Variants in GPR157 observed in about 807,000 individuals in gnomAD.
GPR157 encodes G protein-coupled receptor 157.
A neutral mutation model predicts 23.5 loss-of-function variants in GPR157; 16 were observed. The observed-to-expected ratio is 0.68, with a 90% CI of 0.46 to 1.04. GPR157 has a LOEUF of 1.04. Ranked by LOEUF, GPR157 falls within the 50% of genes least tolerant of loss-of-function variation. The pLI is 0.00. For missense variants in GPR157, 440 were observed against 460.7 expected (o/e 0.96, Z 0.41); for synonymous variants, 200 against 221.5 (o/e 0.90, Z 0.86).
intron 1 of GPR157, among the ~76,000 whole-genome samples, chr1:9,123,318 A>AAATT (rs1638859012): frequency 4.2e-5 from 1 of 23,826 alleles, no homozygotes; most frequent in Non-Finnish European, 8.5e-5. Flanking sequence ...AATATATATT[A>AAATT]AAATATATAT....
At chr1:9,111,247 G>C (rs61785824) in intron 2 of GPR157, 29 bp downstream of exon 2, 1 of 1,601,760 alleles carries the variant, frequency 6.2e-7, no homozygotes, top group African/African-American at 1.3e-5. Context: ...GCCATGCAGA[G>C]GGCCCTGAGC....
At position 9,101,609 on chromosome 1, in the gene GPR157, T is replaced by C. The variant is rs6661122; in HGVS notation, c.*2810A>G. ...GCGGAGGAAGCTGACTAGAGATACC[T>C]GATGTATAACTTTTTGGAGGTTTTT... is the stretch of plus-strand genomic sequence containing the variant. On this transcript the variant is annotated 3_prime_UTR_variant, in exon 4 of 4. Transcript: ENST00000377411. 0.52 allele frequency: 78,405 copies of C among 152,076 alleles called. 20,561 individuals carry two copies. Among genetic ancestry groups the C allele is most frequent in the Admixed American group, 0.56 (8,583 of 15,278 alleles). 9.4% of individuals were successfully genotyped at this position (152,076 alleles called of 1,614,324 possible). A position where few individuals can be genotyped will look rare whatever the true frequency, so the allele number is the denominator to read the frequency against.
chr1:9,108,658 C>G (rs1442948204), intron 2 of GPR157, among the ~76,000 whole-genome samples: 4 of 151,970 alleles, frequency 2.6e-5, no homozygotes, highest in Non-Finnish European at 4.4e-5. Context: ...TTCATTTTTT[C>G]TTTTTTTTGA....
intron 1 of GPR157, among the ~76,000 whole-genome samples, chr1:9,123,473 T>C (rs1638874716): frequency 8.3e-6 from 1 of 120,618 alleles, no homozygotes; most frequent in South Asian, 2.4e-4. Flanking sequence ...TTAATTTAAA[T>C]ATATATTTTA....
At position 9,102,308 on chromosome 1, in the gene GPR157, T is replaced by C. The variant is rs1642575988; in HGVS notation, c.*2111A>G. 1 of 150,004 alleles carries C rather than the reference T, an allele frequency of 6.7e-6. No homozygotes were observed. The highest frequency in any genetic ancestry group is 2.5e-5 in the African/African-American group (1 of 40,386). 9.3% of individuals were successfully genotyped at this position (150,004 alleles called of 1,614,324 possible). ...TGCCTGTAATCCCAGCAGCTTGGGA[T>C]TGGGAAGCAGGAGAATCGCTTGAAC... On this transcript the variant is annotated 3_prime_UTR_variant, in exon 4 of 4. Transcript: ENST00000377411.
chr1:9,122,991 T>C (rs1031629820), intron 1 of GPR157, among the ~76,000 whole-genome samples: 1 of 151,170 alleles, frequency 6.6e-6, no homozygotes, highest in Non-Finnish European at 1.5e-5. Context: ...ACCCCATCTC[T>C]ACTAAAAATA....
intron 1 of GPR157, among the ~76,000 whole-genome samples, chr1:9,121,025 G>T (rs537211031): frequency 6.6e-6 from 1 of 152,154 alleles, no homozygotes; most frequent in African/African-American, 2.4e-5. Flanking sequence ...GTGCCACGGT[G>T]AGCTCGTTTC....
intron 1 of GPR157, among the ~76,000 whole-genome samples, chr1:9,116,347 TA>T (rs1385580963): frequency 0.033 from 956 of 29,072 alleles, 49 homozygotes; most frequent in East Asian, 0.11. Flanking sequence ...AATTTATATA[TA>T]ATTATATATA....
intron 1 of GPR157, among the ~76,000 whole-genome samples, chr1:9,117,837 A>G (rs1638717002): frequency 6.6e-6 from 1 of 152,158 alleles, no homozygotes. Context: ...GACATGTAAC[A>G]CCTAACAGTT....
At chr1:9,115,970 C>T (rs533571364) in intron 1 of GPR157, among the ~76,000 whole-genome samples, 9 of 147,686 alleles carry the variant, frequency 6.1e-5, no homozygotes, top group East Asian at 4.0e-4. Context: ...AAAACACTTA[C>T]TTTACAGGAA....
At chr1:9,116,150 T>TA (rs1553175007) in intron 1 of GPR157, among the ~76,000 whole-genome samples, 3 of 32,352 alleles carry the variant, frequency 9.3e-5, no homozygotes, top group African/African-American at 4.1e-4. Context: ...ATATATTATA[T>TA]TATATATATA....
At chr1:9,122,657 T>C (rs1638825544) in intron 1 of GPR157, among the ~76,000 whole-genome samples, 1 of 152,048 alleles carries the variant, frequency 6.6e-6, no homozygotes. Context: ...AACCCACTTA[T>C]GAGGAAGCAC....
intron 1 of GPR157, among the ~76,000 whole-genome samples, chr1:9,113,664 C>T (rs1371054479): frequency 1.3e-5 from 2 of 152,184 alleles, no homozygotes; most frequent in Non-Finnish European, 2.9e-5. Flanking sequence ...CCACAAAAGG[C>T]CAGGCGCGGT....
chr1:9,112,429 G>C (rs756739033), intron 1 of GPR157, among the ~76,000 whole-genome samples: 4 of 152,172 alleles, frequency 2.6e-5, no homozygotes, highest in African/African-American at 9.7e-5. Flanking sequence ...GCTCAGGTAG[G>C]GGCCCCTCTA....
At position 9,128,769 on chromosome 1, in the gene GPR157, T is replaced by C. The variant is rs770724982; in HGVS notation, c.259A>G (p.Thr87Ala). 2 of 1,612,106 alleles carry C rather than the reference T, an allele frequency of 1.2e-6. No individual in the cohort carries two copies. Among genetic ancestry groups the C allele is most frequent in the African/African-American group, 1.3e-5 (1 of 74,892 alleles). Residue 87 changes from threonine to alanine, a missense_variant, in exon 1 of 4, where the codon ACC becomes GCC. Thr to Ala is a moderately conservative substitution (Grantham distance 58). Coordinates refer to ENST00000377411, the MANE Select transcript of GPR157 (RefSeq NM_024980.5). The surrounding 1 kb of genome is among the most constrained non-coding windows in gnomAD (Gnocchi z 6.3). ...AAGAAGGAGCTGGTGTTGGCGAAGG[T>C]GGACAGCGCGCCCTGCAGCACGCAG... ...WDCVLQGALS[T>A]FANTSSFFWT... is the part of the protein sequence containing the mutation.
rs572873464 is a variant in GPR157 at position 9,124,435 on chromosome 1, A to G, written c.383+4210T>C. ...GCAGAGAGCCTATGAATGGACGTGC[A>G]GTCAGGGAGGTTTCACATCACCAAG... On this transcript the variant is annotated intron_variant, in intron 1 of 3. Transcript: ENST00000377411. Among the ~76,000 whole-genome samples the G allele has an allele frequency of 8.5e-5, 13 of 152,364 alleles. No individual in the cohort carries two copies. In the South Asian group the frequency reaches 2.5e-3, roughly 29 times the overall value.
In GPR157 at chr1:9,104,521, A is replaced by G; in HGVS notation, c.906T>C (p.Pro302=). The part of the protein sequence containing the change: ...SLCCCCCSSQ[P]PTKSPAGTPK... ...GAGTGCCAGCCGGGCTCTTGGTGGG[A>G]GGCTGAGAAGAGCAGCAGCAGCAAC... The change falls in exon 4 of 4, where the codon CCT becomes CCC. Residue 302 remains proline, a synonymous_variant. Transcript: ENST00000377411. 6.2e-7 allele frequency: 1 copy of G among 1,613,602 alleles called. No homozygotes were observed. Among genetic ancestry groups the G allele is most frequent in the Non-Finnish European group, 8.5e-7 (1 of 1,179,904 alleles).
intron 1 of GPR157, among the ~76,000 whole-genome samples, chr1:9,126,102 C>T (rs954642070): frequency 2.0e-5 from 3 of 151,870 alleles, no homozygotes; most frequent in African/African-American, 7.3e-5. Flanking sequence ...GTAGTTGGGA[C>T]ACGCACCACC....
chr1:9,111,067 G>T, intron 2 of GPR157: 2 of 617,702 alleles, frequency 3.2e-6, no homozygotes, highest in Non-Finnish European at 5.9e-6. Context: ...GGCTCCTAAC[G>T]GGGCAGTGGG....
Sources: allele counts gnomAD v4.1 joint callset (sites outside exome capture counted in the v4.1 genomes callset), GRCh38; gene constraint gnomAD v4.1.1; non-coding constraint Gnocchi (gnomAD v3.1); transcripts MANE v1.5; gene names NCBI Gene and HGNC (gene_info 2026-07-23, HGNC 2026-07-21).